Variants in SCFD2 observed in about 807,000 individuals in gnomAD.
SCFD2 encodes the protein sec1 family domain-containing protein 2.
A neutral mutation model predicts 58.9 loss-of-function variants in SCFD2; 54 were observed. The observed-to-expected ratio is 0.92, with a 90% CI of 0.74 to 1.15. The LOEUF (loss-of-function observed/expected upper bound fraction) is 1.15, where lower values mean the gene tolerates loss of function less well. Among genes scored for constraint, SCFD2 ranks in the 50% most tolerant of loss-of-function variants. The pLI is 0.00. For missense variants in SCFD2, 805 were observed against 836.6 expected, an observed-to-expected ratio of 0.96 and a Z score of 0.47; for synonymous variants, 321 against 335.9, an observed-to-expected ratio of 0.96 and a Z score of 0.49.
chr4:53,192,752 G>A (rs1727951365), intron 4 of SCFD2, among the ~76,000 whole-genome samples: 2 of 152,054 alleles, frequency 1.3e-5, no homozygotes, highest in South Asian at 4.1e-4. Flanking sequence ...GATGTAAAAG[G>A]TCATGGAAGA....
intron 5 of SCFD2, among the ~76,000 whole-genome samples, chr4:53,137,716 AAAATCAATGAGTAATAATGTGAGT>A (rs1318421824): frequency 2.0e-5 from 3 of 152,240 alleles, no homozygotes; most frequent in Non-Finnish European, 4.4e-5. Context: ...AAATACAGGG[AAAATCAATGAGTAATAATGTGAGT>A]AAATCAATGA....
Position 52,925,944 on chromosome 4 carries a change from G to T in SCFD2, c.1562-5074C>A, listed in dbSNP as rs145127397. Among the ~76,000 whole-genome samples the T allele has an allele frequency of 2.1e-3, 321 of 152,154 alleles. 1 individual carries two copies. Among genetic ancestry groups the T allele is most frequent in the African/African-American group, 7.4e-3 (308 of 41,524 alleles). Reference sequence around the variant, plus strand: ...TTACCCCTCAGATCAACAAAATAGGGCTCCTGTGTCAGCACCTACACTTCC... The same window carrying T: ...TTACCCCTCAGATCAACAAAATAGGTCTCCTGTGTCAGCACCTACACTTCC... On this transcript the variant is annotated intron_variant, in intron 5 of 8. Transcript: ENST00000401642.
intron 4 of SCFD2, among the ~76,000 whole-genome samples, chr4:53,240,811 C>T (rs1729869163): frequency 6.6e-6 from 1 of 152,206 alleles, no homozygotes; most frequent in Non-Finnish European, 1.5e-5. Flanking sequence ...CTTCTGCTAT[C>T]CAGTGCCTTG....
chr4:53,304,780 A>G (rs1186413321), intron 3 of SCFD2, among the ~76,000 whole-genome samples: 3 of 151,986 alleles, frequency 2.0e-5, no homozygotes, highest in Non-Finnish European at 4.4e-5. Flanking sequence ...ATGCTCCTTT[A>G]GTTCGGAGGA....
chr4:53,030,779 A>G (rs540448008), intron 5 of SCFD2, among the ~76,000 whole-genome samples: 1 of 152,314 alleles, frequency 6.6e-6, no homozygotes, highest in East Asian at 1.9e-4. Context: ...CTGTAATTCC[A>G]ATCTTGAACA....
At chr4:52,988,912 T>C (rs1298222046) in intron 5 of SCFD2, among the ~76,000 whole-genome samples, 1 of 152,238 alleles carries the variant, frequency 6.6e-6, no homozygotes, top group Non-Finnish European at 1.5e-5. Flanking sequence ...TGTATGACTA[T>C]TTGCTGTTGC....
At chr4:53,284,043 C>T (rs1209410536) in intron 3 of SCFD2, among the ~76,000 whole-genome samples, 2 of 147,724 alleles carry the variant, frequency 1.4e-5, no homozygotes, top group African/African-American at 2.5e-5. Context: ...GGCATGAACC[C>T]GGGAGGTGGA....
chr4:53,093,220 A>T (rs1339732388), intron 5 of SCFD2, among the ~76,000 whole-genome samples: 1 of 152,158 alleles, frequency 6.6e-6, no homozygotes, highest in African/African-American at 2.4e-5. Flanking sequence ...GGTTTATACC[A>T]GTGCCCAAAA....
chr4:53,093,693 T>C (rs1275252500), intron 5 of SCFD2, among the ~76,000 whole-genome samples: 8 of 152,074 alleles, frequency 5.3e-5, no homozygotes, highest in Non-Finnish European at 7.4e-5. Context: ...CTCCAAGATA[T>C]ATATTAAATG....
chr4:52,974,448 A>G (rs940763728), intron 5 of SCFD2, among the ~76,000 whole-genome samples: 34 of 152,252 alleles, frequency 2.2e-4, no homozygotes, highest in Admixed American at 9.2e-4. Flanking sequence ...AAATACCTAG[A>G]ATCCAACTTA....
At chr4:53,020,218 C>G (rs1722312691) in intron 5 of SCFD2, among the ~76,000 whole-genome samples, 1 of 152,200 alleles carries the variant, frequency 6.6e-6, no homozygotes. Flanking sequence ...TGTAACAGTA[C>G]TGTACTTGCT....
At chr4:53,168,220 G>A (rs1727071732) in intron 4 of SCFD2, among the ~76,000 whole-genome samples, 1 of 152,190 alleles carries the variant, frequency 6.6e-6, no homozygotes, top group Non-Finnish European at 1.5e-5. Flanking sequence ...TTACAGGTGG[G>A]AGAACTGAAT....
intron 5 of SCFD2, among the ~76,000 whole-genome samples, chr4:52,932,060 G>A (rs1720010507): frequency 6.6e-6 from 1 of 152,176 alleles, no homozygotes. Flanking sequence ...CACTATTTCT[G>A]CTCTTTTCTG....
intron 7 of SCFD2, among the ~76,000 whole-genome samples, chr4:52,905,059 T>C (rs1719313043): frequency 6.6e-6 from 1 of 152,240 alleles, no homozygotes; most frequent in African/African-American, 2.4e-5. Flanking sequence ...ACAGGTTCTC[T>C]GTATAACTTT....
intron 5 of SCFD2, among the ~76,000 whole-genome samples, chr4:53,110,278 C>A (rs1399697367): frequency 1.3e-5 from 2 of 152,132 alleles, no homozygotes; most frequent in Admixed American, 6.6e-5. Flanking sequence ...AGACCTAACA[C>A]CATAAAAACC....
At chr4:52,946,976 G>C (rs1024987699) in intron 5 of SCFD2, among the ~76,000 whole-genome samples, 1 of 152,146 alleles carries the variant, frequency 6.6e-6, no homozygotes, top group Non-Finnish European at 1.5e-5. Flanking sequence ...ACAGTTTCCA[G>C]CCCATGCAGG....
At chr4:53,362,186 G>T (rs376935698) in intron 1 of SCFD2, among the ~76,000 whole-genome samples, 5 of 152,234 alleles carry the variant, frequency 3.3e-5, no homozygotes, top group South Asian at 4.1e-4. Flanking sequence ...TGATGTGAGG[G>T]AGAAAGCCAT....
rs1360142906 is a variant in SCFD2 at position 53,258,538 on chromosome 4, G to GTGTATATA, written c.1311+15287_1311+15288insTATATACA. On this transcript the variant is annotated intron_variant, in intron 4 of 8. Coordinates refer to ENST00000401642, the MANE Select transcript of SCFD2 (RefSeq NM_152540.4). ...CTAAGTCGTATTCCATGGTGTGTGT[G>GTGTATATA]TATATATATATATATATATATATAT... is the stretch of plus-strand genomic sequence containing the variant. Among the ~76,000 whole-genome samples the GTGTATATA allele has an allele frequency of 1.3e-4, 15 of 119,914 alleles. No individual in the cohort carries two copies. The South Asian group carries it at 1.7e-3, about 13-fold the overall frequency. The allele number at this position is 119,914 out of a possible 152,430, so 78.7% of individuals were successfully genotyped here.
At chr4:52,941,836 G>A (rs989856754) in intron 5 of SCFD2, among the ~76,000 whole-genome samples, 2 of 152,176 alleles carry the variant, frequency 1.3e-5, no homozygotes, top group African/African-American at 4.8e-5. Flanking sequence ...GACCAGAAGT[G>A]TTTCAGATTT....
Sources: allele counts gnomAD v4.1 joint callset (sites outside exome capture counted in the v4.1 genomes callset), GRCh38; gene constraint gnomAD v4.1.1; transcripts MANE v1.5; gene names NCBI Gene and HGNC (gene_info 2026-07-23, HGNC 2026-07-21).